SLF1: variants seen among roughly 807,000 people sequenced by gnomAD.
SLF1 encodes the protein SMC5/6 complex localization factor 1.
In SLF1, 105 loss-of-function variants were observed where a neutral mutation model predicts 123.0. The ratio of observed to expected loss-of-function variants is 0.85; its 90% CI spans 0.73 to 1.00. The LOEUF is 1.00. Among genes scored for constraint, SLF1 ranks in the 50% least tolerant of loss-of-function variants. The probability of loss-of-function intolerance (pLI) is 0.00; values close to 1 mark genes in which losing one functional copy is unlikely to be tolerated. For missense variants in SLF1, 1,239 were observed against 1,223.0 expected (o/e 1.01, Z -0.20); for synonymous variants, 434 against 406.6 (o/e 1.07, Z -0.81).
At chr5:94,639,438 C>T (rs1306369160) in intron 4 of SLF1, among the ~76,000 whole-genome samples, 2 of 152,080 alleles carry the variant, frequency 1.3e-5, no homozygotes, top group African/African-American at 2.4e-5. Context: ...TATTAGATCT[C>T]TTTTTTTAAT....
intron 12 of SLF1, among the ~76,000 whole-genome samples, chr5:94,669,677 A>C (rs1002743203): frequency 6.1e-5 from 9 of 146,530 alleles, no homozygotes; most frequent in African/African-American, 2.3e-4. Context: ...GACAGAAAGA[A>C]AATAAAATAA....
intron 15 of SLF1, among the ~76,000 whole-genome samples, chr5:94,685,744 A>T (rs1301815335): frequency 6.6e-6 from 1 of 151,904 alleles, no homozygotes; most frequent in South Asian, 2.1e-4. Flanking sequence ...CTGAGGCAGG[A>T]GAATCGCTTG....
Position 94,689,529 on chromosome 5 carries a change from AAGG to A in SLF1, c.2345_2347del (p.Gly782del), listed in dbSNP as rs1289263688. ...TTAAAAAAATTGAAAAAGAAGTCAG[AAGG>A]AGAATTGTCATGTTCCAAGGAGAAT... On this transcript the variant is annotated inframe_deletion, in exon 18 of 21. Transcript: ENST00000265140. 2.2e-5 allele frequency: 35 copies of A among 1,611,302 alleles called. No individual in the cohort carries two copies. Among genetic ancestry groups the A allele is most frequent in the Middle Eastern group, 1.6e-4 (1 of 6,072 alleles).
chr5:94,657,242 G>A (rs754439293), intron 9 of SLF1, among the ~76,000 whole-genome samples: 2 of 151,622 alleles, frequency 1.3e-5, no homozygotes, highest in African/African-American at 2.4e-5. Context: ...GGTATGTTGT[G>A]TTTCCATTTT....
chr5:94,643,578 A>G, intron 5 of SLF1, 143 bp downstream of exon 5: 1 of 575,618 alleles, frequency 1.7e-6, no homozygotes, highest in South Asian at 3.7e-5. Context: ...TTTTAAAGGC[A>G]GTGGCTCTCA....
intron 11 of SLF1, among the ~76,000 whole-genome samples, chr5:94,664,829 C>T (rs1749555618): frequency 1.3e-5 from 2 of 152,108 alleles, no homozygotes; most frequent in Admixed American, 1.3e-4. Flanking sequence ...GGTTTCAGGA[C>T]CTTTGTGGAT....
intron 14 of SLF1, among the ~76,000 whole-genome samples, chr5:94,677,201 A>G (rs1345882573): frequency 6.6e-6 from 1 of 152,212 alleles, no homozygotes; most frequent in Non-Finnish European, 1.5e-5. Flanking sequence ...CTAAAATTCC[A>G]TGTAAACTAT....
chr5:94,635,383 ACTCTATGTCTT>A, intron 4 of SLF1, among the ~76,000 whole-genome samples: 1 of 59,870 alleles, frequency 1.7e-5, no homozygotes, highest in South Asian at 5.3e-4. Flanking sequence ...CTTTTTGACC[ACTCTATGTCTT>A]TTGTTTGGAG....
intron 15 of SLF1, among the ~76,000 whole-genome samples, chr5:94,680,057 A>G (rs1223281179): frequency 1.3e-5 from 2 of 151,992 alleles, no homozygotes; most frequent in African/African-American, 4.8e-5. Flanking sequence ...TATATACTTG[A>G]TATTTTAAAC....
At chr5:94,672,423 C>T (rs901947191) in intron 14 of SLF1, among the ~76,000 whole-genome samples, 3 of 151,698 alleles carry the variant, frequency 2.0e-5, no homozygotes. Flanking sequence ...GTGTTTTTCA[C>T]CTTGTATCTC....
chr5:94,673,142 A>T (rs967200470), intron 14 of SLF1, among the ~76,000 whole-genome samples: 1 of 151,160 alleles, frequency 6.6e-6, no homozygotes, highest in Admixed American at 6.6e-5. Context: ...GCTTTTGGCC[A>T]TGACTTTTTT....
chr5:94,645,671 G>C (rs1746945168), intron 5 of SLF1, among the ~76,000 whole-genome samples: 1 of 152,154 alleles, frequency 6.6e-6, no homozygotes, highest in South Asian at 2.1e-4. Flanking sequence ...TCCAGCTGCT[G>C]AAATAGTGGA....
At position 94,659,185 on chromosome 5, in the gene SLF1, G is replaced by T. The variant is rs542759944; in HGVS notation, c.1156-3113G>T. Among the ~76,000 whole-genome samples the T allele has an allele frequency of 2.0e-5, 3 of 151,470 alleles. No individual in the cohort carries two copies. In the South Asian group the frequency reaches 6.3e-4, roughly 32 times the overall value. Reference sequence around the variant, plus strand: ...TTCTTAAGTTCCAGGATTTCTGTTTGGTTCTTTTCTATGATTATCTCTTTG... The same window carrying T: ...TTCTTAAGTTCCAGGATTTCTGTTTTGTTCTTTTCTATGATTATCTCTTTG... On this transcript the variant is annotated intron_variant, in intron 9 of 20. Transcript: ENST00000265140.
At chr5:94,657,848 T>C (rs531643124) in intron 9 of SLF1, among the ~76,000 whole-genome samples, 1 of 152,238 alleles carries the variant, frequency 6.6e-6, no homozygotes, top group African/African-American at 2.4e-5. Flanking sequence ...TTTTTTCTGA[T>C]GTAAGTATAG....
chr5:94,623,533 T>A (rs1193687480), intron 1 of SLF1, among the ~76,000 whole-genome samples: 4 of 151,978 alleles, frequency 2.6e-5, no homozygotes, highest in Admixed American at 1.3e-4. Flanking sequence ...TCTGTATGAA[T>A]GCTCCAAGGA....
chr5:94,655,564 C>T (rs1026031612), intron 9 of SLF1, among the ~76,000 whole-genome samples: 1 of 152,082 alleles, frequency 6.6e-6, no homozygotes, highest in African/African-American at 2.4e-5. Flanking sequence ...TAACCATATT[C>T]TTCAAACTCA....
chr5:94,629,484 G>A (rs1744971238), intron 3 of SLF1, among the ~76,000 whole-genome samples: 1 of 151,984 alleles, frequency 6.6e-6, no homozygotes, highest in Non-Finnish European at 1.5e-5. Flanking sequence ...TAAAGTCTCA[G>A]CTGTTTTCAG....
At chr5:94,664,938 G>A (rs1749569451) in intron 11 of SLF1, among the ~76,000 whole-genome samples, 1 of 152,056 alleles carries the variant, frequency 6.6e-6, no homozygotes, top group Non-Finnish European at 1.5e-5. Context: ...TACATCCTGT[G>A]AATACTGTAT....
intron 15 of SLF1, among the ~76,000 whole-genome samples, chr5:94,684,852 G>A (rs1162449619): frequency 1.3e-5 from 2 of 152,162 alleles, no homozygotes; most frequent in East Asian, 1.9e-4. Flanking sequence ...CACTCCTTAT[G>A]ACAAGCTGCC....
Sources: allele counts gnomAD v4.1 joint callset (sites outside exome capture counted in the v4.1 genomes callset), GRCh38; gene constraint gnomAD v4.1.1; transcripts MANE v1.5; gene names NCBI Gene and HGNC (gene_info 2026-07-23, HGNC 2026-07-21).